The following SIK2 variants were observed in gnomAD, a reference collection of about 807,000 sequenced individuals.
The protein encoded by SIK2 is serine/threonine-protein kinase SIK2.
In SIK2, 29 loss-of-function variants were observed where a neutral mutation model predicts 103.2. The observed-to-expected ratio is 0.28, with a 90% CI of 0.21 to 0.38. The LOEUF is 0.38. SIK2 is among the 10% of genes least tolerant of loss of function. The probability of loss-of-function intolerance (pLI) is 1.00; values close to 1 mark genes in which losing one functional copy is unlikely to be tolerated. For synonymous variants in SIK2, 412 were observed against 446.1 expected (o/e 0.92, Z 0.96); for missense variants, 879 against 1,171.0 (o/e 0.75, Z 3.64).
intron 3 of SIK2, among the ~76,000 whole-genome samples, chr11:111,684,133 A>G (rs980736551): frequency 6.6e-6 from 1 of 152,202 alleles, no homozygotes; most frequent in Admixed American, 6.5e-5. Context: ...CTGTCTTTAC[A>G]TGGTAACTTT....
rs528005222 is a variant in SIK2 at position 111,721,180 on chromosome 11, G to A, written c.1944+118G>A. 27 of 1,262,700 alleles carry A rather than the reference G, an allele frequency of 2.1e-5. No homozygotes were observed. In the East Asian group the frequency reaches 6.2e-4, roughly 29 times the overall value. The allele number at this position is 1,262,700 out of a possible 1,614,324, so 78.2% of individuals were successfully genotyped here. On this transcript the variant is annotated intron_variant, in intron 12 of 14. Coordinates refer to ENST00000304987, the MANE Select transcript of SIK2 (RefSeq NM_015191.3). The stretch of plus-strand genomic sequence containing the variant: ...CAGTCCTGGAGCAAACAGGCTGTTT[G>A]GGAAAACCCACAGCTTCTTTGCCTT...
intron 3 of SIK2, among the ~76,000 whole-genome samples, chr11:111,648,277 T>C (rs1415327264): frequency 1.0e-5 from 1 of 97,438 alleles, no homozygotes; most frequent in African/African-American, 2.8e-5. Flanking sequence ...TATAACAAAA[T>C]ACCTTAAACT....
At chr11:111,689,934 A>G (rs1161505134) in intron 4 of SIK2, among the ~76,000 whole-genome samples, 1 of 152,054 alleles carries the variant, frequency 6.6e-6, no homozygotes, top group Non-Finnish European at 1.5e-5. Flanking sequence ...TGAATAAGAC[A>G]AAATGTTTTT....
chr11:111,693,734 T>C (rs1341141170), intron 4 of SIK2, among the ~76,000 whole-genome samples: 1 of 152,236 alleles, frequency 6.6e-6, no homozygotes. Context: ...TTAGTAGCTA[T>C]AACCTTGGGC....
At position 111,723,917 on chromosome 11, in the gene SIK2, C is replaced by T. The variant is rs769369116; in HGVS notation, c.2569C>T (p.Pro857Ser). Residue 857 changes from proline (P) to serine (S), a missense_variant, in exon 15 of 15, where the codon CCT (proline) becomes TCT (serine). Pro to Ser is a moderately conservative substitution (Grantham distance 74). Transcript: ENST00000304987. ...TTGTGAGCTGCCAAGCGCTGCTTCC[C>T]CTGCGCCAGACTATCCCACTCCCTG... Reference protein sequence around the residue: ...QTCELPSAASPAPDYPTPCQY... With the variant: ...QTCELPSAASSAPDYPTPCQY... 1.9e-6 allele frequency: 3 copies of T among 1,613,868 alleles called. No individual in the cohort carries two copies. The highest frequency in any genetic ancestry group is 2.2e-5 in the East Asian group (1 of 44,848).
At position 111,726,962 on chromosome 11, in the gene SIK2, G is replaced by T; in HGVS notation, c.*2833G>T. 6.2e-7 allele frequency: 1 copy of T among 1,612,974 alleles called. No homozygotes were observed. The highest frequency in any genetic ancestry group is 2.2e-5 in the East Asian group (1 of 44,864). ...TTTATGTTCTTTTTTTAAATCTGGG[G>T]TATTAGTCTGTGCTTTGGGAGAAAT... On this transcript the variant is annotated 3_prime_UTR_variant, in exon 15 of 15. Transcript: ENST00000304987.
chr11:111,661,597 G>A (rs930278656), intron 3 of SIK2, among the ~76,000 whole-genome samples: 2 of 152,194 alleles, frequency 1.3e-5, no homozygotes, highest in Non-Finnish European at 2.9e-5. Context: ...TTAAAAGACT[G>A]AGACTGTGTA....
intron 3 of SIK2, among the ~76,000 whole-genome samples, chr11:111,639,523 G>A (rs560646968): frequency 2.1e-4 from 32 of 152,264 alleles, no homozygotes; most frequent in African/African-American, 5.8e-4. Context: ...GGTTAAATCC[G>A]ATTCATGTTA....
At chr11:111,658,559 A>G (rs937710591) in intron 3 of SIK2, among the ~76,000 whole-genome samples, 7 of 152,198 alleles carry the variant, frequency 4.6e-5, no homozygotes, top group African/African-American at 1.7e-4. Context: ...CCTGGGCAAC[A>G]TGGCAAAACT....
chr11:111,703,613 C>G (rs1295657376), intron 7 of SIK2, among the ~76,000 whole-genome samples, 190 bp downstream of exon 7: 1 of 152,090 alleles, frequency 6.6e-6, no homozygotes, highest in Admixed American at 6.5e-5. Context: ...CTTTCTTTGC[C>G]CCCATCTGCC....
chr11:111,682,740 A>T (rs1389997396), intron 3 of SIK2, among the ~76,000 whole-genome samples: 2 of 152,200 alleles, frequency 1.3e-5, no homozygotes, highest in African/African-American at 2.4e-5. Flanking sequence ...ATAATAGAAA[A>T]TTTTTAAAGA....
chr11:111,723,503 C>G lies in SIK2; in HGVS notation c.2155C>G (p.Gln719Glu). ...TTGATATTACCAATTTAGGCTCCAGCAGAAGCGACTCTTTCTTCAGAAGCA... is the reference window on the plus strand; with the variant it reads ...TTGATATTACCAATTTAGGCTCCAGGAGAAGCGACTCTTTCTTCAGAAGCA... ...EQQLQEHRLQ[Q>E]KRLFLQKQSQ... Residue 719 changes from glutamine to glutamate, a missense_variant, in exon 15 of 15, where the codon CAG becomes GAG. Coordinates refer to ENST00000304987, the MANE Select transcript of SIK2 (RefSeq NM_015191.3). 2 of 1,599,148 alleles carry G rather than the reference C, an allele frequency of 1.3e-6. No homozygotes were observed. The highest frequency in any genetic ancestry group is 1.7e-6 in the Non-Finnish European group (2 of 1,170,762).
At chr11:111,669,996 T>C (rs1284359279) in intron 3 of SIK2, among the ~76,000 whole-genome samples, 2 of 152,264 alleles carry the variant, frequency 1.3e-5, no homozygotes, top group Non-Finnish European at 2.9e-5. Flanking sequence ...ATTTGTGTAA[T>C]TGGGATATCT....
At chr11:111,622,182 C>G (rs1452692384) in intron 3 of SIK2, among the ~76,000 whole-genome samples, 1 of 150,614 alleles carries the variant, frequency 6.6e-6, no homozygotes, top group Non-Finnish European at 1.5e-5. Flanking sequence ...ACCATTTCTG[C>G]ATTCATATGT....
chr11:111,682,369 G>A (rs1431271166), intron 3 of SIK2, among the ~76,000 whole-genome samples: 2 of 152,152 alleles, frequency 1.3e-5, no homozygotes, highest in South Asian at 2.1e-4. Flanking sequence ...TAAGGGTACT[G>A]TTCCAGCGTA....
chr11:111,664,552 G>A (rs1279286342), intron 3 of SIK2, among the ~76,000 whole-genome samples: 1 of 152,174 alleles, frequency 6.6e-6, no homozygotes, highest in East Asian at 1.9e-4. Flanking sequence ...GGAGGCGAAG[G>A]TTGCAGTGAG....
chr11:111,719,748 G>T, intron 9 of SIK2, 27 bp from the exon 10 acceptor site: 1 of 1,599,174 alleles, frequency 6.3e-7, no homozygotes, highest in South Asian at 1.1e-5. Context: ...TGCAGAAACT[G>T]AGTTTCCTCT....
At chr11:111,679,297 C>T (rs1224820762) in intron 3 of SIK2, among the ~76,000 whole-genome samples, 1 of 152,122 alleles carries the variant, frequency 6.6e-6, no homozygotes, top group Admixed American at 6.5e-5. Flanking sequence ...AAACTTTCAA[C>T]TATGTAACTA....
At chr11:111,703,141 A>G in intron 6 of SIK2, 62 bp from the exon 7 acceptor site, 1 of 1,489,840 alleles carries the variant, frequency 6.7e-7, no homozygotes. Flanking sequence ...ACATGAGTCA[A>G]GCAAATAACC....
Sources: allele counts gnomAD v4.1 joint callset (sites outside exome capture counted in the v4.1 genomes callset), GRCh38; gene constraint gnomAD v4.1.1; transcripts MANE v1.5; gene names NCBI Gene and HGNC (gene_info 2026-07-23, HGNC 2026-07-21).